The following MYT1L variants were observed in gnomAD, a reference collection of about 807,000 sequenced individuals.
MYT1L encodes myelin transcription factor 1-like protein.
MYT1L carries 12 observed loss-of-function variants against 126.7 expected under a neutral mutation model. The ratio of observed to expected loss-of-function variants is 0.09; its 90% CI spans 0.06 to 0.15. The LOEUF (loss-of-function observed/expected upper bound fraction) is 0.15. Among genes scored for constraint, MYT1L ranks in the 10% least tolerant of loss-of-function variants. The pLI, the probability that MYT1L is intolerant of heterozygous loss-of-function variation, is 1.00. For missense variants in MYT1L, 979 were observed against 1,585.2 expected (o/e 0.62, Z 6.49); for synonymous variants, 541 against 604.2 (o/e 0.90, Z 1.53).
chr2:2,185,856 C>CT (rs1204635223), intron 2 of MYT1L, among the ~76,000 whole-genome samples: 22 of 129,718 alleles, frequency 1.7e-4, no homozygotes, highest in South Asian at 2.4e-4. Flanking sequence ...GCAGCCGGGC[C>CT]TCCCAGACGC....
intron 3 of MYT1L, among the ~76,000 whole-genome samples, chr2:2,134,065 T>TCAAAC (rs2082723863): frequency 6.6e-6 from 1 of 152,142 alleles, no homozygotes. Flanking sequence ...GGTGTGGTGA[T>TCAAAC]CAAACACAAT....
chr2:1,858,226 G>C (rs1295517472), intron 18 of MYT1L, among the ~76,000 whole-genome samples: 1 of 152,176 alleles, frequency 6.6e-6, no homozygotes, highest in Non-Finnish European at 1.5e-5. Context: ...AAGAAATGTA[G>C]AGAAAGGCAA....
intron 8 of MYT1L, among the ~76,000 whole-genome samples, chr2:1,952,375 C>T (rs957917924): frequency 5.9e-5 from 9 of 152,094 alleles, no homozygotes; most frequent in Non-Finnish European, 2.9e-5. Flanking sequence ...TTCTTTTGAA[C>T]TCAATAATGA....
At position 2,026,958 on chromosome 2, in the gene MYT1L, C is replaced by A. The variant is rs370979157; in HGVS notation, c.-158+27020G>T. 6.6e-5 allele frequency among the ~76,000 whole-genome samples: 10 copies of A among 152,250 alleles called. No individual in the cohort carries two copies. The East Asian group carries it at 1.7e-3, about 27-fold the overall frequency. ...GGGGCCCCGTCACGACCAGCGGAGCCCACAGGACAAAGCTCAAGAGCCCCA... is the reference window on the plus strand; with the variant it reads ...GGGGCCCCGTCACGACCAGCGGAGCACACAGGACAAAGCTCAAGAGCCCCA... On this transcript the variant is annotated intron_variant, in intron 4 of 24. Transcript: ENST00000647738.
intron 9 of MYT1L, among the ~76,000 whole-genome samples, chr2:1,923,750 A>G (rs919253872): frequency 3.9e-5 from 6 of 152,208 alleles, no homozygotes; most frequent in African/African-American, 1.4e-4. Context: ...AGTGGCGTGT[A>G]GGCAACACAG....
intron 3 of MYT1L, among the ~76,000 whole-genome samples, chr2:2,107,051 C>G (rs2078842781): frequency 6.6e-6 from 1 of 152,200 alleles, no homozygotes; most frequent in Admixed American, 6.5e-5. Context: ...ACACATCTGT[C>G]TCCCACAGCT....
At position 1,890,709 on chromosome 2, in the gene MYT1L, C is replaced by T. The variant is rs148275973; in HGVS notation, c.2284-1232G>A. ...TTTTTCCCCAAAGAGTGACACTCTC[C>T]TTAGCAAAATTTGATTTCAGAGCTG... On this transcript the variant is annotated intron_variant, in intron 15 of 24. Transcript: ENST00000647738. Among the ~76,000 whole-genome samples the T allele has an allele frequency of 1.6e-3, 246 of 152,250 alleles. 1 individual carries two copies. Among genetic ancestry groups the T allele is most frequent in the African/African-American group, 5.7e-3 (236 of 41,536 alleles).
intron 9 of MYT1L, among the ~76,000 whole-genome samples, chr2:1,928,727 T>C (rs1386206466): frequency 6.6e-6 from 1 of 152,204 alleles, no homozygotes; most frequent in African/African-American, 2.4e-5. Context: ...CTTGGTTGTA[T>C]CACCAACCAC....
At chr2:2,158,921 G>A (rs1575557581) in intron 3 of MYT1L, among the ~76,000 whole-genome samples, 1 of 152,198 alleles carries the variant, frequency 6.6e-6, no homozygotes, top group Non-Finnish European at 1.5e-5. Flanking sequence ...AGGGCCTCGT[G>A]CCATTTGCAC....
intron 21 of MYT1L, among the ~76,000 whole-genome samples, chr2:1,820,030 G>GT (rs1361783562): frequency 7.9e-6 from 1 of 126,386 alleles, no homozygotes; most frequent in African/African-American, 3.0e-5. Flanking sequence ...GCAGAGGGCA[G>GT]TGGGGGGGGG....
chr2:2,006,712 A>T (rs958414625), intron 4 of MYT1L, among the ~76,000 whole-genome samples: 2 of 152,018 alleles, frequency 1.3e-5, no homozygotes, highest in African/African-American at 2.4e-5. Flanking sequence ...AGTAGCTGAG[A>T]CTACAAATGC....
intron 1 of MYT1L, among the ~76,000 whole-genome samples, chr2:2,311,706 G>A (rs72769263): frequency 0.041 from 6,164 of 152,146 alleles, 197 homozygotes; most frequent in African/African-American, 0.089. Context: ...TGCAAGATAG[G>A]GGAGCAGGAA....
At chr2:1,972,744 G>A (rs1006383148) in intron 8 of MYT1L, among the ~76,000 whole-genome samples, 1 of 152,252 alleles carries the variant, frequency 6.6e-6, no homozygotes, top group African/African-American at 2.4e-5. Flanking sequence ...CACCCACACT[G>A]GCAGGCAAGA....
chr2:2,329,686 T>A (rs1310055059), intron 1 of MYT1L, among the ~76,000 whole-genome samples: 2 of 151,944 alleles, frequency 1.3e-5, no homozygotes, highest in Non-Finnish European at 2.9e-5. Flanking sequence ...ATGGTAAGAG[T>A]TTTCAAAGTG....
intron 1 of MYT1L, among the ~76,000 whole-genome samples, chr2:2,319,951 C>T (rs1003961957): frequency 6.6e-6 from 1 of 152,070 alleles, no homozygotes. Flanking sequence ...CTTAAGGGGT[C>T]TCGCCTTTTC....
chr2:2,241,847 T>C (rs2094446659), intron 2 of MYT1L, among the ~76,000 whole-genome samples: 1 of 152,128 alleles, frequency 6.6e-6, no homozygotes, highest in South Asian at 2.1e-4. Context: ...AAAGAACAGA[T>C]ACCGTACAAT....
intron 4 of MYT1L, among the ~76,000 whole-genome samples, chr2:2,026,906 G>A (rs1239446059): frequency 6.6e-6 from 1 of 152,110 alleles, no homozygotes; most frequent in Non-Finnish European, 1.5e-5. Context: ...GTTATCCTGG[G>A]GCCACGGGGT....
intron 18 of MYT1L, among the ~76,000 whole-genome samples, chr2:1,872,001 C>T (rs1284828713): frequency 6.6e-6 from 1 of 152,132 alleles, no homozygotes; most frequent in African/African-American, 2.4e-5. Flanking sequence ...GACAATGGAG[C>T]ACCTCGCATT....
At chr2:1,858,951 C>CA (rs896341358) in intron 18 of MYT1L, among the ~76,000 whole-genome samples, 1 of 152,198 alleles carries the variant, frequency 6.6e-6, no homozygotes, top group Non-Finnish European at 1.5e-5. Flanking sequence ...CAAAGCCTCT[C>CA]ATTAGGAAAG....
Sources: allele counts gnomAD v4.1 joint callset (sites outside exome capture counted in the v4.1 genomes callset), GRCh38; gene constraint gnomAD v4.1.1; transcripts MANE v1.5; gene names NCBI Gene and HGNC (gene_info 2026-07-23, HGNC 2026-07-21).